Variants in RNF111 observed in about 807,000 individuals in gnomAD.
RNF111 encodes the protein E3 ubiquitin-protein ligase Arkadia.
In RNF111, 17 loss-of-function variants were observed where a neutral mutation model predicts 95.1. The observed-to-expected ratio is 0.18, with a 90% CI of 0.12 to 0.27. The LOEUF is 0.27. Ranked by LOEUF, RNF111 falls within the 10% of genes least tolerant of loss-of-function variation. The pLI, the probability that RNF111 is intolerant of heterozygous loss-of-function variation, is 1.00. For synonymous variants in RNF111, 440 were observed against 414.8 expected, an observed-to-expected ratio of 1.06 and a Z score of -0.74; for missense variants, 1,189 against 1,210.4, an observed-to-expected ratio of 0.98 and a Z score of 0.26.
At position 59,084,114 on chromosome 15, in the gene RNF111, G is replaced by T. The variant is rs1380014192; in HGVS notation, c.2298-15G>T. 6.4e-7 allele frequency: 1 copy of T among 1,571,298 alleles called. No homozygotes were observed. Among genetic ancestry groups the T allele is most frequent in the Admixed American group, 1.9e-5 (1 of 53,242 alleles). ...CAATTATTTCCAGTGGTCTTTTTGT[G>T]TTCTGTGTTTCCAGGCGGGCACATG... On this transcript the variant is annotated splice_polypyrimidine_tract_variant and intron_variant, in intron 8 of 13. Coordinates refer to ENST00000348370, the MANE Select transcript of RNF111 (RefSeq NM_017610.8).
At chr15:59,041,742 C>G (rs1194618148) in intron 2 of RNF111, among the ~76,000 whole-genome samples, 2 of 152,146 alleles carry the variant, frequency 1.3e-5, no homozygotes, top group Non-Finnish European at 2.9e-5. Flanking sequence ...ATTCTGAATG[C>G]TCACCGGCAA....
chr15:58,989,768 C>T (rs1178681200), intron 1 of RNF111, among the ~76,000 whole-genome samples: 1 of 152,004 alleles, frequency 6.6e-6, no homozygotes, highest in East Asian at 1.9e-4. Flanking sequence ...TTGTATAAAG[C>T]TAAGGTGCAG....
intron 1 of RNF111, among the ~76,000 whole-genome samples, chr15:59,003,527 T>C (rs1398960317): frequency 2.0e-5 from 3 of 152,012 alleles, no homozygotes; most frequent in Non-Finnish European, 4.4e-5. Flanking sequence ...GCCTCTCCAG[T>C]AGCTGGGACT....
chr15:59,017,774 T>TTTTTTTTTA (rs2040138886), intron 1 of RNF111, among the ~76,000 whole-genome samples: 1 of 140,810 alleles, frequency 7.1e-6, no homozygotes, highest in African/African-American at 2.6e-5. Context: ...TTTTTTTTTT[T>TTTTTTTTTA]GAGATGGAGT....
chr15:59,058,180 G>A (rs1031049172), intron 4 of RNF111, among the ~76,000 whole-genome samples, 176 bp from the exon 5 acceptor site: 12 of 152,212 alleles, frequency 7.9e-5, no homozygotes, highest in Middle Eastern at 3.4e-3. Context: ...TTGGTAACAC[G>A]TCTGTTCGAT....
At chr15:59,034,893 A>G (rs1158266175) in intron 2 of RNF111, among the ~76,000 whole-genome samples, 1 of 152,192 alleles carries the variant, frequency 6.6e-6, no homozygotes, top group Non-Finnish European at 1.5e-5. Flanking sequence ...TTCTGGGACA[A>G]CTTTTTCATA....
intron 6 of RNF111, among the ~76,000 whole-genome samples, 166 bp from the exon 7 acceptor site, chr15:59,075,788 C>T (rs1446078920): frequency 2.6e-5 from 4 of 152,050 alleles, no homozygotes; most frequent in African/African-American, 9.7e-5. Context: ...TCAAGATAAC[C>T]AAGTATTTTG....
At chr15:59,026,377 T>C (rs2040608587) in intron 1 of RNF111, among the ~76,000 whole-genome samples, 1 of 152,020 alleles carries the variant, frequency 6.6e-6, no homozygotes, top group Non-Finnish European at 1.5e-5. Context: ...GTAATTAGCA[T>C]GCAGTCATCA....
intron 1 of RNF111, among the ~76,000 whole-genome samples, chr15:59,022,575 C>G (rs1318873447): frequency 2.6e-5 from 4 of 152,202 alleles, no homozygotes; most frequent in African/African-American, 9.6e-5. Flanking sequence ...ATGGCTATCC[C>G]TTGTGCAGTC....
At chr15:59,008,966 T>C (rs542834119) in intron 1 of RNF111, among the ~76,000 whole-genome samples, 1 of 152,166 alleles carries the variant, frequency 6.6e-6, no homozygotes, top group African/African-American at 2.4e-5. Flanking sequence ...TTTTATTTTA[T>C]TTTATTTTTT....
At chr15:59,014,988 A>G (rs993444677) in intron 1 of RNF111, among the ~76,000 whole-genome samples, 3 of 152,164 alleles carry the variant, frequency 2.0e-5, no homozygotes, top group Non-Finnish European at 2.9e-5. Context: ...GCCTCAGGCC[A>G]TCTGCCTGCC....
At chr15:59,084,028 T>G in intron 8 of RNF111, 101 bp from the exon 9 acceptor site, 1 of 907,430 alleles carries the variant, frequency 1.1e-6, no homozygotes, top group Non-Finnish European at 1.5e-6. Flanking sequence ...AATCTATAGA[T>G]GTTTATAGTA....
At chr15:59,017,924 A>AT (rs1284996295) in intron 1 of RNF111, among the ~76,000 whole-genome samples, 2 of 151,672 alleles carry the variant, frequency 1.3e-5, no homozygotes, top group African/African-American at 4.8e-5. Context: ...TGCCCAGCTA[A>AT]TTTTTTGTAT....
intron 6 of RNF111, among the ~76,000 whole-genome samples, chr15:59,067,638 A>G (rs2042725300): frequency 6.6e-6 from 1 of 152,220 alleles, no homozygotes; most frequent in Admixed American, 6.5e-5. Context: ...GTGGGTAATC[A>G]AAACTGATAC....
intron 1 of RNF111, among the ~76,000 whole-genome samples, chr15:58,996,191 A>C (rs1341851683): frequency 6.6e-6 from 1 of 152,126 alleles, no homozygotes; most frequent in Non-Finnish European, 1.5e-5. Flanking sequence ...TAAAAACCTG[A>C]AGTTTATACT....
intron 1 of RNF111, among the ~76,000 whole-genome samples, chr15:59,024,500 T>G (rs563957344): frequency 6.6e-5 from 10 of 152,180 alleles, no homozygotes; most frequent in Admixed American, 1.3e-4. Context: ...TGAGTTTGAG[T>G]GATGAGGAAG....
At chr15:59,023,152 G>A (rs2040428977) in intron 1 of RNF111, among the ~76,000 whole-genome samples, 1 of 152,198 alleles carries the variant, frequency 6.6e-6, no homozygotes, top group Non-Finnish European at 1.5e-5. Context: ...GGAGGCTGAG[G>A]CAGGAGAATC....
intron 5 of RNF111, among the ~76,000 whole-genome samples, chr15:59,066,054 TA>T (rs2042641369): frequency 6.6e-6 from 1 of 152,134 alleles, no homozygotes; most frequent in Non-Finnish European, 1.5e-5. Flanking sequence ...CTGCATTATG[TA>T]GGAAGGATTT....
rs2040330450 is a variant in RNF111 at position 59,021,312 on chromosome 15, G to A, written c.-19-9492G>A. On this transcript the variant is annotated intron_variant, in intron 1 of 13. Transcript: ENST00000348370. ...ATTACAGGTGGGTGCCACCATGCCC[G>A]GCTAATTTTTGTATTTTTAGTAGAG... 1.3e-5 allele frequency among the ~76,000 whole-genome samples: 2 copies of A among 152,010 alleles called. 1 individual carries two copies. Among genetic ancestry groups the A allele is most frequent in the South Asian group, 4.1e-4 (2 of 4,826 alleles).
Sources: gnomAD v4.1 joint callset for allele counts (sites outside exome capture counted in the v4.1 genomes callset) on GRCh38, gnomAD v4.1.1 for gene constraint, MANE v1.5 for transcripts, NCBI Gene and HGNC (gene_info 2026-07-23, HGNC 2026-07-21) for gene names.